Variants in GAB3 observed in about 807,000 individuals in gnomAD.
GAB3 encodes the protein GRB2-associated-binding protein 3.
GAB3 carries 12 observed loss-of-function variants against 40.4 expected under a neutral mutation model. That is an observed-to-expected ratio of 0.30 (90% confidence interval 0.19 to 0.48). The LOEUF (loss-of-function observed/expected upper bound fraction) is 0.48. Among genes scored for constraint, GAB3 ranks in the 20% least tolerant of loss-of-function variants. GAB3 has a pLI of 0.99. For synonymous variants in GAB3, 154 were observed against 176.7 expected, an observed-to-expected ratio of 0.87 and a Z score of 1.02; for missense variants, 381 against 461.9, an observed-to-expected ratio of 0.82 and a Z score of 1.61.
intron 8 of GAB3, among the ~76,000 whole-genome samples, chrX:154,692,938 C>G (rs1225000287): frequency 3.6e-5 from 4 of 111,958 alleles, no homozygotes; most frequent in African/African-American, 9.8e-5. Flanking sequence ...ACCATATGAT[C>G]CAGAAATTCC....
In GAB3 at chrX:154,680,504, A is replaced by C. The variant is rs1337384431; in HGVS notation, c.1531-256T>G. On this transcript the variant is annotated intron_variant, in intron 8 of 9. Transcript: ENST00000424127. The stretch of plus-strand genomic sequence containing the variant: ...GTTTGCCAAAATTCACTCAAAAAGG[A>C]ATTTGCTTCACGAATCTGACAGGCC... 2.7e-5 allele frequency among the ~76,000 whole-genome samples: 3 copies of C among 112,498 alleles called. No individual in the cohort carries two copies. The Admixed American group carries it at 2.8e-4, about 11-fold the overall frequency.
rs782191474 is a variant in GAB3, at chrX:154,712,376, G to C, written c.922C>G (p.Pro308Ala). 8.3e-7 allele frequency: 1 copy of C among 1,211,649 alleles called. No homozygotes were observed. Among genetic ancestry groups the C allele is most frequent in the South Asian group, 1.8e-5 (1 of 56,995 alleles). Residue 308 changes from proline to alanine, a missense_variant, in exon 4 of 10, where the codon CCA (proline) becomes GCA (alanine). By Grantham distance (27) the Pro-to-Ala change is conservative (BLOSUM62 -1). This residue lies in a region of GAB3 where 364 missense variants were observed against 421.0 expected (regional missense o/e 0.86). Coordinates refer to ENST00000424127, the MANE Select transcript of GAB3 (RefSeq NM_001081573.3). Reference sequence around the variant, plus strand: ...CTTGGCTTAGGGGGGCGGGGAGGTGGAGTGTTGGACATAATGTCTAGTTCT... The same window carrying C: ...CTTGGCTTAGGGGGGCGGGGAGGTGCAGTGTTGGACATAATGTCTAGTTCT... Reference protein sequence around the residue: ...AKELDIMSNTPPPRPPKPSHL... With the variant: ...AKELDIMSNTAPPRPPKPSHL...
At chrX:154,728,895 G>C (rs2071252699) in intron 1 of GAB3, among the ~76,000 whole-genome samples, 1 of 112,394 alleles carries the variant, frequency 8.9e-6, no homozygotes, top group African/African-American at 3.2e-5. Flanking sequence ...GGATCTTTGT[G>C]ATGGAACAGT....
At chrX:154,733,681 T>C (rs782068834) in intron 1 of GAB3, among the ~76,000 whole-genome samples, 1 of 112,572 alleles carries the variant, frequency 8.9e-6, no homozygotes, top group South Asian at 3.6e-4. Context: ...TGAGATTCAA[T>C]AACATTGTCC....
intron 5 of GAB3, among the ~76,000 whole-genome samples, 159 bp from the exon 6 acceptor site, chrX:154,699,672 C>T (rs1243534987): frequency 1.8e-5 from 2 of 112,504 alleles, no homozygotes; most frequent in African/African-American, 3.2e-5. Flanking sequence ...TCAAGTTCTG[C>T]CTCTGGACTT....
At chrX:154,718,547 T>C (rs1427781985) in intron 1 of GAB3, among the ~76,000 whole-genome samples, 2 of 111,756 alleles carry the variant, frequency 1.8e-5, no homozygotes, top group East Asian at 5.7e-4. Flanking sequence ...TAAATTCCTG[T>C]TGCAAAAACG....
At chrX:154,735,796 A>C (rs188942496) in intron 1 of GAB3, among the ~76,000 whole-genome samples, 143 of 111,990 alleles carry the variant, frequency 1.3e-3, no homozygotes, top group African/African-American at 4.4e-3. Context: ...TCAGACGAAA[A>C]GCCAAAGGCT....
chrX:154,712,878 G>A (rs1160053868), intron 3 of GAB3, among the ~76,000 whole-genome samples, 177 bp from the exon 4 acceptor site: 2 of 112,047 alleles, frequency 1.8e-5, no homozygotes, highest in African/African-American at 6.5e-5. Flanking sequence ...AAAATGGTTT[G>A]TTGATTTTTT....
intron 1 of GAB3, among the ~76,000 whole-genome samples, chrX:154,737,358 TATCTC>T (rs2071378156): frequency 9.0e-6 from 1 of 111,652 alleles, no homozygotes; most frequent in Admixed American, 9.5e-5. Flanking sequence ...TCTCTCCTCT[TATCTC>T]TTCTCAGTTT....
intron 1 of GAB3, among the ~76,000 whole-genome samples, chrX:154,739,769 T>A (rs782505985): frequency 8.9e-6 from 1 of 112,374 alleles, no homozygotes; most frequent in Admixed American, 9.4e-5. Context: ...CTGCATTACC[T>A]ATTTGGTAGC....
chrX:154,708,448 G>A (rs2070850543), intron 4 of GAB3, among the ~76,000 whole-genome samples: 2 of 112,191 alleles, frequency 1.8e-5, no homozygotes, highest in Admixed American at 1.9e-4. Flanking sequence ...AGGCAACCTA[G>A]AGAATGAGAG....
chrX:154,734,660 C>T (rs1448457530), intron 1 of GAB3, among the ~76,000 whole-genome samples: 2 of 111,921 alleles, frequency 1.8e-5, no homozygotes, highest in South Asian at 3.7e-4. Flanking sequence ...GGGGAGACAG[C>T]GCTGAGCAAG....
intron 8 of GAB3, among the ~76,000 whole-genome samples, chrX:154,682,872 G>A (rs941548350): frequency 9.0e-6 from 1 of 111,331 alleles, no homozygotes; most frequent in African/African-American, 3.3e-5. Flanking sequence ...CAGCTACTTC[G>A]GAGGCTGAGG....
intron 1 of GAB3, among the ~76,000 whole-genome samples, chrX:154,744,638 CA>C (rs1390784843): frequency 8.9e-6 from 1 of 112,110 alleles, no homozygotes; most frequent in Admixed American, 9.4e-5. Context: ...TAAAAGTGAA[CA>C]GAAAATCAGT....
intron 1 of GAB3, among the ~76,000 whole-genome samples, chrX:154,749,658 G>A (rs2071582193): frequency 8.9e-6 from 1 of 112,225 alleles, no homozygotes; most frequent in South Asian, 3.7e-4. Context: ...TGATATTCAC[G>A]TGCTAAATAG....
chrX:154,736,181 A>T (rs974069143), intron 1 of GAB3, among the ~76,000 whole-genome samples: 1 of 112,549 alleles, frequency 8.9e-6, no homozygotes, highest in East Asian at 2.8e-4. Flanking sequence ...GCTACTTATG[A>T]AGTGCATTAC....
At chrX:154,684,951 A>G (rs1045118085) in intron 8 of GAB3, among the ~76,000 whole-genome samples, 8 of 111,112 alleles carry the variant, frequency 7.2e-5, no homozygotes. Flanking sequence ...TCTATCTTCC[A>G]TGTCCCAAAT....
At position 154,678,129 on chromosome X, in the gene GAB3, A is replaced by C; in HGVS notation, c.*49T>G. Reference sequence around the variant, plus strand: ...AAAAAAAAAAAAAGAAAAAACTCAAACTGAGCCCCAAGCTTCCCTGTTTCA... The same window carrying C: ...AAAAAAAAAAAAAGAAAAAACTCAACCTGAGCCCCAAGCTTCCCTGTTTCA... On this transcript the variant is annotated 3_prime_UTR_variant, in exon 10 of 10. Coordinates refer to ENST00000424127, the MANE Select transcript of GAB3 (RefSeq NM_001081573.3). 1.5e-6 allele frequency: 1 copy of C among 685,675 alleles called. No homozygotes were observed. The highest frequency in any genetic ancestry group is 2.2e-6 in the Non-Finnish European group (1 of 444,867). The allele number at this position is 685,675 out of a possible 1,213,427, so 56.5% of individuals were successfully genotyped here.
Position 154,708,279 on chromosome X carries a change from A to G in GAB3, c.1069+3950T>C, listed in dbSNP as rs183515065. ...TCTAAAACCATTTAGCCCCTAGAAGAAAATATAGGGGGAAAGCTCATTGAC... is the reference window on the plus strand; with the variant it reads ...TCTAAAACCATTTAGCCCCTAGAAGGAAATATAGGGGGAAAGCTCATTGAC... On this transcript the variant is annotated intron_variant, in intron 4 of 9. Coordinates refer to ENST00000424127, the MANE Select transcript of GAB3 (RefSeq NM_001081573.3). Among the ~76,000 whole-genome samples the G allele has an allele frequency of 6.2e-3, 697 of 112,343 alleles. 6 individuals are homozygous for G. Among genetic ancestry groups the G allele is most frequent in the Admixed American group, 0.011 (112 of 10,608 alleles).
Sources: gnomAD v4.1 joint callset for allele counts (sites outside exome capture counted in the v4.1 genomes callset) on GRCh38, gnomAD v4.1.1 for gene constraint, gnomAD v4.1.1 regional missense constraint, MANE v1.5 for transcripts, NCBI Gene and HGNC (gene_info 2026-07-23, HGNC 2026-07-21) for gene names.